NRXN1: variants seen among roughly 807,000 people sequenced by gnomAD.
The protein encoded by NRXN1 is neurexin-1.
In NRXN1, 39 loss-of-function variants were observed where a neutral mutation model predicts 150.9. The observed-to-expected ratio is 0.26, with a 90% CI of 0.20 to 0.34. The LOEUF (loss-of-function observed/expected upper bound fraction) is 0.34. NRXN1 is among the 10% of genes least tolerant of loss of function. The pLI is 1.00. For synonymous variants in NRXN1, 924 were observed against 757.0 expected (o/e 1.22, Z -3.62); for missense variants, 1,815 against 1,949.9 (o/e 0.93, Z 1.30).
chr2:50,864,913 C>G (rs1271735920), intron 5 of NRXN1, among the ~76,000 whole-genome samples: 1 of 151,970 alleles, frequency 6.6e-6, no homozygotes, highest in Non-Finnish European at 1.5e-5. Flanking sequence ...TGGGGCCTTT[C>G]TAACAAGTTC....
chr2:50,558,666 A>C (rs900115530), intron 8 of NRXN1, among the ~76,000 whole-genome samples: 1 of 152,196 alleles, frequency 6.6e-6, no homozygotes, highest in Non-Finnish European at 1.5e-5. Flanking sequence ...TTATCTTAAA[A>C]ATCTGTGCGG....
intron 5 of NRXN1, among the ~76,000 whole-genome samples, chr2:50,728,792 C>G (rs1164183722): frequency 1.3e-5 from 2 of 152,086 alleles, no homozygotes; most frequent in Admixed American, 6.6e-5. Context: ...TATCTATTAA[C>G]TAAATAAGCA....
At chr2:50,588,871 G>A (rs1160403073) in intron 8 of NRXN1, 1 of 152,150 alleles carries the variant, frequency 6.6e-6, no homozygotes, top group East Asian at 1.9e-4. Context: ...CGGAGGTGAA[G>A]TAGGCTCGTG....
At chr2:50,643,553 A>T (rs1684362864) in intron 5 of NRXN1, among the ~76,000 whole-genome samples, 2 of 151,882 alleles carry the variant, frequency 1.3e-5, no homozygotes, top group Non-Finnish European at 1.5e-5. Flanking sequence ...TTTCTATAAC[A>T]TTGTAATGCA....
chr2:50,284,379 T>C (rs1426818559), intron 17 of NRXN1, among the ~76,000 whole-genome samples: 10 of 152,160 alleles, frequency 6.6e-5, no homozygotes, highest in Admixed American at 5.9e-4. Context: ...ATGGAGGCCT[T>C]TGCTGGCCTC....
At chr2:50,600,487 G>A (rs1356135838) in intron 8 of NRXN1, among the ~76,000 whole-genome samples, 2 of 151,994 alleles carry the variant, frequency 1.3e-5, no homozygotes, top group African/African-American at 4.8e-5. Flanking sequence ...ACCATGTCCG[G>A]CTAATTTTTG....
At chr2:50,966,395 T>G (rs936170324) in intron 2 of NRXN1, among the ~76,000 whole-genome samples, 1 of 151,360 alleles carries the variant, frequency 6.6e-6, no homozygotes, top group African/African-American at 2.4e-5. Context: ...TCCTGTAGCC[T>G]GTAGGTCTGG....
intron 5 of NRXN1, among the ~76,000 whole-genome samples, chr2:50,792,770 T>C (rs1325361990): frequency 3.9e-5 from 6 of 152,052 alleles, no homozygotes; most frequent in African/African-American, 9.7e-5. Flanking sequence ...TTAATGAACA[T>C]GTTAGATACT....
intron 5 of NRXN1, among the ~76,000 whole-genome samples, chr2:50,700,881 TG>T (rs1251606962): frequency 6.6e-6 from 1 of 151,904 alleles, no homozygotes; most frequent in African/African-American, 2.4e-5. Context: ...TTAGCCAGGA[TG>T]GTCTCAGTCT....
intron 2 of NRXN1, among the ~76,000 whole-genome samples, chr2:50,980,217 C>T (rs760775696): frequency 5.3e-5 from 8 of 152,060 alleles, no homozygotes; most frequent in Non-Finnish European, 1.0e-4. Flanking sequence ...CAATTCTCTG[C>T]CTCAAACTCT....
intron 5 of NRXN1, among the ~76,000 whole-genome samples, chr2:50,811,735 T>A (rs1313212496): frequency 1.3e-5 from 2 of 152,176 alleles, no homozygotes; most frequent in African/African-American, 4.8e-5. Context: ...TTGTATAAAC[T>A]TTTATATGAC....
At chr2:50,556,661 T>C (rs1668306879) in intron 8 of NRXN1, among the ~76,000 whole-genome samples, 1 of 152,158 alleles carries the variant, frequency 6.6e-6, no homozygotes, top group South Asian at 2.1e-4. Context: ...TGTTTTCACA[T>C]TCCTAGGGTT....
At chr2:50,385,424 G>A (rs899447738) in intron 17 of NRXN1, among the ~76,000 whole-genome samples, 11 of 152,132 alleles carry the variant, frequency 7.2e-5, no homozygotes, top group African/African-American at 2.4e-4. Context: ...CTGCCAGAAA[G>A]CATTTGAAAG....
rs116472818 is a variant in NRXN1 at position 50,225,644 on chromosome 2, C to T, written c.3546+11145G>A. 9.0e-3 allele frequency among the ~76,000 whole-genome samples: 1,370 copies of T among 151,872 alleles called. 21 individuals carry two copies. The highest frequency in any genetic ancestry group is 0.031 in the African/African-American group (1,303 of 41,440). On this transcript the variant is annotated intron_variant, in intron 18 of 22. Coordinates refer to ENST00000401669, the MANE Select transcript of NRXN1 (RefSeq NM_001330078.2). ...CACCAGACTAGGAAAAAGAGAAGGACAGGTAGGAATAAGAGGAAGTAGGAG... is the reference window on the plus strand; with the variant it reads ...CACCAGACTAGGAAAAAGAGAAGGATAGGTAGGAATAAGAGGAAGTAGGAG...
chr2:50,471,852 C>T (rs1485800686), intron 16 of NRXN1, among the ~76,000 whole-genome samples: 1 of 151,644 alleles, frequency 6.6e-6, no homozygotes, highest in Non-Finnish European at 1.5e-5. Context: ...ACCTACATAA[C>T]AAACTTGCAC....
chr2:50,295,064 G>A (rs1558471256), intron 17 of NRXN1, among the ~76,000 whole-genome samples: 1 of 152,140 alleles, frequency 6.6e-6, no homozygotes, highest in Non-Finnish European at 1.5e-5. Context: ...TGCCTAGAAA[G>A]GATGAATCAT....
Position 49,937,352 on chromosome 2 carries a change from A to G in NRXN1, c.4216+6352T>C, listed in dbSNP as rs1433161386. Among the ~76,000 whole-genome samples the G allele has an allele frequency of 2.0e-5, 3 of 151,986 alleles. 1 individual carries two copies. Among genetic ancestry groups the G allele is most frequent in the African/African-American group, 7.2e-5 (3 of 41,382 alleles). ...GGCTGAAATCTGGCCCACCTCTCCT[A>G]TTGCAATAGCCTTGACTAAATCTTC... is the stretch of plus-strand genomic sequence containing the variant. On this transcript the variant is annotated intron_variant, in intron 22 of 22. Transcript: ENST00000401669.
intron 2 of NRXN1, among the ~76,000 whole-genome samples, chr2:50,949,987 C>G (rs1691036663): frequency 6.6e-6 from 1 of 152,122 alleles, no homozygotes; most frequent in Non-Finnish European, 1.5e-5. Flanking sequence ...ACTTACATAA[C>G]TGTGAAGGCA....
chr2:50,495,824 A>G lies in NRXN1; in HGVS notation c.3070+81T>C. 1.6e-6 allele frequency: 2 copies of G among 1,253,538 alleles called. 1 individual carries two copies. Among genetic ancestry groups the G allele is most frequent in the South Asian group, 3.6e-5 (2 of 55,990 alleles). The allele number at this position is 1,253,538 out of a possible 1,614,324, so 77.7% of individuals were successfully genotyped here. A position where few individuals can be genotyped will look rare whatever the true frequency, so the allele number is the denominator to read the frequency against. On this transcript the variant is annotated intron_variant, in intron 15 of 22. Transcript: ENST00000401669. ...GTCAGTCTTTGCAGAAGGTACAAACACACCCCTAAGCAAAGGATTTTCCAT... is the reference window on the plus strand; with the variant it reads ...GTCAGTCTTTGCAGAAGGTACAAACGCACCCCTAAGCAAAGGATTTTCCAT...
Sources: allele counts gnomAD v4.1 joint callset (sites outside exome capture counted in the v4.1 genomes callset), GRCh38; gene constraint gnomAD v4.1.1; transcripts MANE v1.5; gene names NCBI Gene and HGNC (gene_info 2026-07-23, HGNC 2026-07-21).